The following SEMA5A variants were observed in gnomAD, a reference collection of about 807,000 sequenced individuals.
SEMA5A encodes the protein semaphorin 5A, also known as semaphorin-5A.
A neutral mutation model predicts 135.5 loss-of-function variants in SEMA5A; 55 were observed. The ratio of observed to expected loss-of-function variants is 0.41; its 90% CI spans 0.33 to 0.51. The LOEUF (loss-of-function observed/expected upper bound fraction) is 0.51. SEMA5A is among the 20% of genes least tolerant of loss of function. The pLI is 0.37. For missense variants in SEMA5A, 1,290 were observed against 1,419.9 expected (o/e 0.91, Z 1.47); for synonymous variants, 580 against 546.5 (o/e 1.06, Z -0.85).
At chr5:9,169,034 G>C (rs964573551) in intron 11 of SEMA5A, among the ~76,000 whole-genome samples, 2 of 152,110 alleles carry the variant, frequency 1.3e-5, no homozygotes. Context: ...TGAAGTATTT[G>C]AGTTAGAAAA....
intron 3 of SEMA5A, among the ~76,000 whole-genome samples, chr5:9,369,651 A>G (rs1214294919): frequency 6.6e-6 from 1 of 152,144 alleles, no homozygotes; most frequent in East Asian, 1.9e-4. Flanking sequence ...TTGACAATAT[A>G]TATGTATATG....
At chr5:9,318,461 C>A in intron 4 of SEMA5A, 44 bp from the exon 5 acceptor site, 1 of 1,503,162 alleles carries the variant, frequency 6.7e-7, no homozygotes. Context: ...TAATAGATCA[C>A]AGAAAGTTAA....
chr5:9,345,332 G>T lies in SEMA5A; in HGVS notation c.125-7520C>A, dbSNP rs1024421963. Among the ~76,000 whole-genome samples, 8 of 152,044 alleles carry T rather than the reference G, an allele frequency of 5.3e-5. No individual in the cohort carries two copies. In the East Asian group the frequency reaches 1.5e-3, roughly 29 times the overall value. On this transcript the variant is annotated intron_variant, in intron 3 of 22. Transcript: ENST00000382496. The stretch of plus-strand genomic sequence containing the variant: ...GATGGGCCTGGAAAGTCACATGGGA[G>T]TCCCTTCCAGACATGAAGCCTGTCC...
At chr5:9,330,051 G>A (rs1328683786) in intron 4 of SEMA5A, among the ~76,000 whole-genome samples, 1 of 151,862 alleles carries the variant, frequency 6.6e-6, no homozygotes, top group African/African-American at 2.4e-5. Flanking sequence ...ACCCAGGGAG[G>A]ACCAACTGTA....
intron 5 of SEMA5A, among the ~76,000 whole-genome samples, chr5:9,296,618 A>T (rs189514501): frequency 2.0e-5 from 3 of 152,272 alleles, no homozygotes; most frequent in Admixed American, 6.5e-5. Flanking sequence ...GCTCAAGCTT[A>T]ATTTGGTTAC....
At chr5:9,070,014 C>T (rs1232807005) in intron 16 of SEMA5A, among the ~76,000 whole-genome samples, 1 of 152,172 alleles carries the variant, frequency 6.6e-6, no homozygotes, top group African/African-American at 2.4e-5. Flanking sequence ...CCTTCCCTCC[C>T]TCACTCCGAG....
chr5:9,510,739 G>A (rs1736157391), intron 1 of SEMA5A, among the ~76,000 whole-genome samples: 1 of 151,994 alleles, frequency 6.6e-6, no homozygotes, highest in African/African-American at 2.4e-5. Context: ...TGCATGTATT[G>A]GTATATATCA....
intron 5 of SEMA5A, among the ~76,000 whole-genome samples, chr5:9,305,708 G>GTGTGTATATATATATATA (rs1554017498): frequency 4.2e-4 from 59 of 139,246 alleles, no homozygotes; most frequent in Admixed American, 3.9e-3. Context: ...GTGTGTGTGC[G>GTGTGTATATATATATATA]TATATATATA....
chr5:9,117,226 T>C (rs757611033), intron 15 of SEMA5A, among the ~76,000 whole-genome samples: 10 of 152,196 alleles, frequency 6.6e-5, no homozygotes, highest in Non-Finnish European at 1.5e-4. Flanking sequence ...AACGTACGCA[T>C]ATGTTAGCCA....
At chr5:9,063,908 A>G (rs1199759999) in intron 17 of SEMA5A, among the ~76,000 whole-genome samples, 1 of 152,208 alleles carries the variant, frequency 6.6e-6, no homozygotes, top group Non-Finnish European at 1.5e-5. Context: ...CATAGTCAAA[A>G]TTTTATGAAA....
At chr5:9,543,077 T>C (rs922051691) in intron 1 of SEMA5A, among the ~76,000 whole-genome samples, 8 of 152,220 alleles carry the variant, frequency 5.3e-5, no homozygotes, top group Admixed American at 4.6e-4. Context: ...ACGATTCAGA[T>C]AGGCAGCTCT....
chr5:9,376,774 A>G (rs1351178386), intron 3 of SEMA5A, among the ~76,000 whole-genome samples: 1 of 152,138 alleles, frequency 6.6e-6, no homozygotes, highest in Non-Finnish European at 1.5e-5. Flanking sequence ...CCAAATCCCA[A>G]AGCCTGACGG....
intron 4 of SEMA5A, among the ~76,000 whole-genome samples, chr5:9,324,029 T>C (rs1428469091): frequency 6.6e-6 from 1 of 151,950 alleles, no homozygotes; most frequent in Non-Finnish European, 1.5e-5. Context: ...AGTTTAGTAT[T>C]CACCTTATTA....
intron 8 of SEMA5A, among the ~76,000 whole-genome samples, chr5:9,220,375 A>C (rs1561036150): frequency 6.6e-6 from 1 of 152,166 alleles, no homozygotes; most frequent in African/African-American, 2.4e-5. Context: ...AGAAAAAACA[A>C]CAAAAAAACT....
At chr5:9,189,087 T>C (rs1189321332) in intron 11 of SEMA5A, among the ~76,000 whole-genome samples, 1 of 152,222 alleles carries the variant, frequency 6.6e-6, no homozygotes, top group Non-Finnish European at 1.5e-5. Flanking sequence ...TCATTGGTTG[T>C]TTCCCTTATG....
At chr5:9,155,913 CACTG>C (rs1742928767) in intron 11 of SEMA5A, among the ~76,000 whole-genome samples, 3 of 152,338 alleles carry the variant, frequency 2.0e-5, no homozygotes, top group Middle Eastern at 6.8e-3. Flanking sequence ...TCTGATTATA[CACTG>C]ACTGAAAAAT....
intron 3 of SEMA5A, among the ~76,000 whole-genome samples, chr5:9,349,671 G>A (rs1163173236): frequency 6.6e-6 from 1 of 152,064 alleles, no homozygotes; most frequent in African/African-American, 2.4e-5. Flanking sequence ...AGGCTGAGGA[G>A]GGTGGTTCAC....
At chr5:9,471,576 C>T (rs565016877) in intron 1 of SEMA5A, among the ~76,000 whole-genome samples, 17 of 152,230 alleles carry the variant, frequency 1.1e-4, no homozygotes, top group African/African-American at 4.1e-4. Flanking sequence ...ATTAAAAAAA[C>T]ATTTTTAGCA....
At chr5:9,239,492 GTGT>G (rs956931533) in intron 5 of SEMA5A, among the ~76,000 whole-genome samples, 1 of 152,056 alleles carries the variant, frequency 6.6e-6, no homozygotes, top group Non-Finnish European at 1.5e-5. Flanking sequence ...GAAAATAAAT[GTGT>G]TGTTGTTCAT....
Sources: gnomAD v4.1 joint callset for allele counts (sites outside exome capture counted in the v4.1 genomes callset) on GRCh38, gnomAD v4.1.1 for gene constraint, MANE v1.5 for transcripts, NCBI Gene and HGNC (gene_info 2026-07-23, HGNC 2026-07-21) for gene names.